The following MPPED2 variants were observed in gnomAD, a reference collection of about 807,000 sequenced individuals.
MPPED2 encodes metallophosphoesterase domain containing 2, also known as metallophosphoesterase MPPED2.
A neutral mutation model predicts 33.0 loss-of-function variants in MPPED2; 5 were observed. The ratio of observed to expected loss-of-function variants is 0.15; its 90% CI spans 0.08 to 0.32. MPPED2 has a LOEUF of 0.32. Ranked by LOEUF, MPPED2 falls within the 10% of genes least tolerant of loss-of-function variation. MPPED2 has a pLI of 1.00. For synonymous variants in MPPED2, 136 were observed against 141.9 expected, an observed-to-expected ratio of 0.96 and a Z score of 0.29; for missense variants, 275 against 372.1, an observed-to-expected ratio of 0.74 and a Z score of 2.15.
chr11:30,411,489 A>C lies in MPPED2; in HGVS notation c.864T>G (p.Leu288=). 1 of 1,613,582 alleles carries C rather than the reference A, an allele frequency of 6.2e-7. No individual in the cohort carries two copies. Among genetic ancestry groups the C allele is most frequent in the Non-Finnish European group, 8.5e-7 (1 of 1,179,604 alleles). The change falls in exon 7 of 7, where the codon CTT becomes CTG. Residue 288 remains leucine (L), a synonymous_variant. Transcript: ENST00000358117. ...AGCTTCAGGAACCCTGTGGGTTTGG[A>C]AGGTCAAATATAATTGGAGGGTTGG... ...QPTNPPIIFD[L]PNPQGS
chr11:30,512,132 C>T (rs1322995580), intron 3 of MPPED2, among the ~76,000 whole-genome samples: 1 of 152,148 alleles, frequency 6.6e-6, no homozygotes, highest in East Asian at 1.9e-4. Context: ...TAACGGTGTC[C>T]TATGAGAACT....
At chr11:30,400,022 A>T (rs1947888560) in intron 6 of MPPED2, among the ~76,000 whole-genome samples, 1 of 152,126 alleles carries the variant, frequency 6.6e-6, no homozygotes, top group Non-Finnish European at 1.5e-5. Context: ...TATTTTTAAC[A>T]TTTTTTTAGG....
rs113716623 is a variant in MPPED2, at chr11:30,495,975, G to A, written c.311-454C>T. On this transcript the variant is annotated intron_variant, in intron 3 of 6. Transcript: ENST00000358117. ...AGTATATGCTTCATACTAAAGACAT[G>A]GCATAGTCAAACATTCCATAATTGA... Among the ~76,000 whole-genome samples, 263 of 152,148 alleles carry A rather than the reference G, an allele frequency of 1.7e-3. 1 individual carries two copies. Among genetic ancestry groups the A allele is most frequent in the African/African-American group, 6.0e-3 (250 of 41,498 alleles).
At chr11:30,451,374 C>T (rs1165793677) in intron 4 of MPPED2, among the ~76,000 whole-genome samples, 5 of 152,318 alleles carry the variant, frequency 3.3e-5, no homozygotes, top group Middle Eastern at 3.4e-3. Context: ...AATGCAATTC[C>T]CACTGCTAAC....
chr11:30,461,083 G>T (rs375870623), intron 4 of MPPED2, among the ~76,000 whole-genome samples: 2 of 152,200 alleles, frequency 1.3e-5, no homozygotes, highest in Non-Finnish European at 1.5e-5. Context: ...AATCTTGAGG[G>T]CATTAGACTA....
Position 30,410,723 on chromosome 11 carries a change from C to T in MPPED2, c.*745G>A, listed in dbSNP as rs183686851. ...CACAAAAAATACTTATATATATAAA[C>T]CCATATTGAAAAGGAGTCTGCATGT... On this transcript the variant is annotated 3_prime_UTR_variant, in exon 7 of 7. Transcript: ENST00000358117. 392 of 983,882 alleles carry T rather than the reference C, an allele frequency of 4.0e-4. No homozygotes were observed. The African/African-American group carries it at 6.5e-3, about 16-fold the overall frequency. The allele number at this position is 983,882 out of a possible 1,614,324, so 60.9% of individuals were successfully genotyped here.
At chr11:30,519,086 G>C (rs1953700601) in intron 3 of MPPED2, among the ~76,000 whole-genome samples, 1 of 151,914 alleles carries the variant, frequency 6.6e-6, no homozygotes, top group South Asian at 2.1e-4. Flanking sequence ...TTCGAGACCA[G>C]CCTAAGGAAC....
At chr11:30,454,251 A>C (rs964610593) in intron 4 of MPPED2, among the ~76,000 whole-genome samples, 20 of 152,182 alleles carry the variant, frequency 1.3e-4, no homozygotes, top group African/African-American at 4.8e-4. Flanking sequence ...GCCTCATTTA[A>C]CTAGTAGGAC....
intron 3 of MPPED2, among the ~76,000 whole-genome samples, chr11:30,527,265 C>T (rs761725694): frequency 1.1e-4 from 16 of 152,094 alleles, no homozygotes; most frequent in Non-Finnish European, 2.1e-4. Flanking sequence ...TCCTACCTTG[C>T]CCAGTTCACC....
At chr11:30,484,465 T>C (rs1012938554) in intron 4 of MPPED2, among the ~76,000 whole-genome samples, 2 of 152,184 alleles carry the variant, frequency 1.3e-5, no homozygotes, top group African/African-American at 4.8e-5. Context: ...GTAGCTCACC[T>C]TTGCAGCTCT....
chr11:30,570,258 A>G (rs1452380677), intron 2 of MPPED2, among the ~76,000 whole-genome samples: 1 of 152,056 alleles, frequency 6.6e-6, no homozygotes, highest in Non-Finnish European at 1.5e-5. Context: ...GTAACCTCAT[A>G]TGAAAGAAGA....
chr11:30,437,859 G>A (rs2133881255), intron 4 of MPPED2, among the ~76,000 whole-genome samples: 1 of 151,952 alleles, frequency 6.6e-6, no homozygotes, highest in East Asian at 1.9e-4. Flanking sequence ...AGCTGATGGG[G>A]CCTGAACAAC....
At chr11:30,470,253 G>A (rs555061425) in intron 4 of MPPED2, among the ~76,000 whole-genome samples, 111 of 152,258 alleles carry the variant, frequency 7.3e-4, no homozygotes, top group Middle Eastern at 6.8e-3. Flanking sequence ...TACTGGCCCA[G>A]TATGGTCAGT....
At chr11:30,580,606 G>T in intron 1 of MPPED2, 112 bp from the exon 2 acceptor site, 2 of 1,083,430 alleles carry the variant, frequency 1.8e-6, no homozygotes, top group South Asian at 2.2e-5. Flanking sequence ...ATCTGAATAT[G>T]TGTTGTTGGC....
chr11:30,542,756 G>A (rs1220796463), intron 2 of MPPED2, among the ~76,000 whole-genome samples: 1 of 152,174 alleles, frequency 6.6e-6, no homozygotes, highest in Non-Finnish European at 1.5e-5. Context: ...GGAAAACACT[G>A]ATCTGGTTTA....
At chr11:30,386,551 C>T (rs908840699) in exon 7 of MPPED2, 1 of 395,066 alleles carries the variant, frequency 2.5e-6, no homozygotes, top group Non-Finnish European at 4.5e-6. Context: ...ATAAAATACC[C>T]AGTCTCAGGG....
At chr11:30,497,812 A>T (rs1952351074) in intron 3 of MPPED2, among the ~76,000 whole-genome samples, 1 of 152,172 alleles carries the variant, frequency 6.6e-6, no homozygotes, top group South Asian at 2.1e-4. Flanking sequence ...CTCAGCATAA[A>T]AAGGTAGCCA....
Position 30,541,218 on chromosome 11 carries a change from T to C in MPPED2, c.129-5043A>G, listed in dbSNP as rs1055671964. ...AATGCTTACATATCTCACTGCATAT[T>C]CAAACAAATAAACCATTCTTGTTTA... On this transcript the variant is annotated intron_variant, in intron 2 of 6. Coordinates refer to ENST00000358117, the MANE Select transcript of MPPED2 (RefSeq NM_001584.3). Among the ~76,000 whole-genome samples the C allele has an allele frequency of 2.6e-5, 4 of 152,230 alleles. No homozygotes were observed. In the South Asian group the frequency reaches 8.3e-4, roughly 32 times the overall value.
rs372376579 is a variant in MPPED2 at position 30,578,031 on chromosome 11, GAAAC to G, written c.128+2211_128+2214del. 4.2e-4 allele frequency among the ~76,000 whole-genome samples: 64 copies of G among 152,280 alleles called. No homozygotes were observed. In the South Asian group the frequency reaches 0.013, roughly 30 times the overall value. On this transcript the variant is annotated intron_variant, in intron 2 of 6. Transcript: ENST00000358117. Reference sequence around the variant, plus strand: ...GTAGATAGGTAGGTAGGTAGACAGAGAAACAGACAGATTAAGAAAAATAATAATG... The same window carrying G: ...GTAGATAGGTAGGTAGGTAGACAGAGAGACAGATTAAGAAAAATAATAATG...
Sources: gnomAD v4.1 joint callset for allele counts (sites outside exome capture counted in the v4.1 genomes callset) on GRCh38, gnomAD v4.1.1 for gene constraint, MANE v1.5 for transcripts, NCBI Gene and HGNC (gene_info 2026-07-23, HGNC 2026-07-21) for gene names.